Variants in RBAK observed in about 807,000 individuals in gnomAD.
RBAK encodes RB-associated KRAB zinc finger protein.
Under a neutral mutation model 65.8 loss-of-function variants are expected in RBAK, and 39 were observed. The observed-to-expected ratio is 0.59, with a 90% confidence interval of 0.46 to 0.77. RBAK has a LOEUF of 0.77. RBAK is among the 30% of genes least tolerant of loss of function. The probability of loss-of-function intolerance (pLI) is 0.00; values close to 1 mark genes in which losing one functional copy is unlikely to be tolerated. For missense variants in RBAK, 884 were observed against 855.1 expected (o/e 1.03, Z -0.42); for synonymous variants, 343 against 289.7 (o/e 1.18, Z -1.87).
intron 2 of RBAK, among the ~76,000 whole-genome samples, chr7:5,054,696 G>A (rs1460738742): frequency 6.6e-6 from 1 of 152,182 alleles, no homozygotes; most frequent in East Asian, 1.9e-4. Flanking sequence ...AGTTTCCTGA[G>A]TGCTGGGATT....
Position 5,048,322 on chromosome 7 carries a change from G to A in RBAK, c.15+231G>A, listed in dbSNP as rs1464471483. Among the ~76,000 whole-genome samples the A allele has an allele frequency of 1.3e-5, 2 of 152,018 alleles. No individual in the cohort carries two copies. Among genetic ancestry groups the A allele is most frequent in the Non-Finnish European group, 2.9e-5 (2 of 68,012 alleles). On this transcript the variant is annotated intron_variant, in intron 2 of 4. Transcript: ENST00000396912. This position sits in a 1 kb window ranked among gnomAD's most constrained non-coding sequence, Gnocchi z 4.4. ...CGAGTAGCTGGGATTACAGGCGTGCGCCACCATGCCCAACTAATTTTTTGT... is the reference window on the plus strand; with the variant it reads ...CGAGTAGCTGGGATTACAGGCGTGCACCACCATGCCCAACTAATTTTTTGT...
chr7:5,053,323 A>T (rs1308496864), intron 2 of RBAK, among the ~76,000 whole-genome samples: 1 of 152,000 alleles, frequency 6.6e-6, no homozygotes, highest in Admixed American at 6.6e-5. Flanking sequence ...TCCTGCTTAC[A>T]TTTTTTTCTA....
intron 1 of RBAK, among the ~76,000 whole-genome samples, chr7:5,046,713 C>T (rs868153309): frequency 6.6e-6 from 1 of 152,200 alleles, no homozygotes; most frequent in Admixed American, 6.5e-5. Context: ...CCGTCAGCGC[C>T]TCTGTTCTCT....
At chr7:5,050,050 T>C (rs1296681949) in intron 2 of RBAK, among the ~76,000 whole-genome samples, 7 of 152,190 alleles carry the variant, frequency 4.6e-5, no homozygotes, top group African/African-American at 1.7e-4. Flanking sequence ...TTGCTCAGAC[T>C]GGTCTCAAAC....
intron 3 of RBAK, 25 bp from the exon 4 acceptor site, chr7:5,057,659 G>T: frequency 1.9e-6 from 3 of 1,613,492 alleles, no homozygotes; most frequent in Non-Finnish European, 2.5e-6. Context: ...GCTTCCCCAA[G>T]TCCTCCTTCT....
rs1344096326 is a variant in RBAK, at chr7:5,057,695, A to C, written c.154A>C (p.Thr52Pro). The stretch of plus-strand genomic sequence containing the variant: ...TTTCCCATTAACAGGATATGATACC[A>C]CCAAGCCAAACGTCATCATTAAGTT... ...SHLVSVGYDT[T>P]KPNVIIKLEQ... The change falls in exon 4 of 5, where the codon ACC becomes CCC. Residue 52 changes from threonine to proline, a missense_variant. By Grantham distance (38) the Thr-to-Pro change is conservative. Coordinates refer to ENST00000396912, the MANE Select transcript of RBAK (RefSeq NM_021163.4). 6.2e-7 allele frequency: 1 copy of C among 1,613,912 alleles called. No individual in the cohort carries two copies. The highest frequency in any genetic ancestry group is 1.1e-5 in the South Asian group (1 of 91,066).
Position 5,064,189 on chromosome 7 carries a change from A to T in RBAK, c.733A>T (p.Met245Leu). The T allele has an allele frequency of 6.2e-7, 1 of 1,613,970 alleles. No homozygotes were observed. Residue 245 changes from methionine to leucine, a missense_variant, in exon 5 of 5, where the codon ATG (methionine) becomes TTG (leucine). Transcript: ENST00000396912. This position sits in a 1 kb window ranked among gnomAD's most constrained non-coding sequence, Gnocchi z 6.3. ...WNDSGPDFIQ[M>L]SNFNAYQRSQ... ...TGATTCTGGACCAGACTTCATACAG[A>T]TGTCAAATTTTAATGCATATCAGAG...
chr7:5,063,971 A>G lies in RBAK; in HGVS notation c.515A>G (p.Tyr172Cys). The G allele has an allele frequency of 6.2e-7, 1 of 1,613,870 alleles. No homozygotes were observed. ...PDECNECGKT[Y>C]HGEKMCEFNQ... is the part of the protein sequence containing the mutation. ...GAGTGTAATGAATGTGGGAAAACAT[A>G]TCATGGAGAGAAAATGTGTGAATTT... Residue 172 changes from tyrosine to cysteine, a missense_variant, in exon 5 of 5, where the codon TAT becomes TGT. By Grantham distance (194) the Tyr-to-Cys change is radical (BLOSUM62 -2). Coordinates refer to ENST00000396912, the MANE Select transcript of RBAK (RefSeq NM_021163.4).
chr7:5,047,714 G>A (rs959911605), intron 1 of RBAK, among the ~76,000 whole-genome samples: 13 of 136,998 alleles, frequency 9.5e-5, no homozygotes, highest in African/African-American at 3.3e-4. Flanking sequence ...AAGGATTCTT[G>A]TGCCTCAGCC....
At chr7:5,062,817 A>G (rs1779109917) in intron 4 of RBAK, among the ~76,000 whole-genome samples, 1 of 152,216 alleles carries the variant, frequency 6.6e-6, no homozygotes, top group African/African-American at 2.4e-5. Context: ...GAATTCAGCA[A>G]TATATCTCCC....
In RBAK at chr7:5,067,468, A is replaced by G. The variant is rs1424164132; in HGVS notation, c.*1867A>G. On this transcript the variant is annotated 3_prime_UTR_variant, in exon 5 of 5. Transcript: ENST00000396912. The stretch of plus-strand genomic sequence containing the variant: ...TTTGAAGAACTGTATCCAGAAAATA[A>G]AATTACAAAGGAGGAGAGGGATAGG... 1 of 152,194 alleles carries G rather than the reference A, an allele frequency of 6.6e-6. No individual in the cohort carries two copies. The highest frequency in any genetic ancestry group is 1.9e-4 in the East Asian group (1 of 5,204). The allele number at this position is 152,194 out of a possible 1,614,324, so 9.4% of individuals were successfully genotyped here.
chr7:5,062,555 T>C (rs1439693462), intron 4 of RBAK, among the ~76,000 whole-genome samples: 1 of 152,160 alleles, frequency 6.6e-6, no homozygotes. Flanking sequence ...AAATTGCTAA[T>C]GAAGTTTCAG....
At chr7:5,061,762 G>A (rs112714667) in intron 4 of RBAK, among the ~76,000 whole-genome samples, 17,966 of 151,860 alleles carry the variant, frequency 0.12, 1,248 homozygotes, top group African/African-American at 0.19. Context: ...GCTGGGTGCG[G>A]TGGCGTGTGC....
chr7:5,062,368 C>T (rs1779099281), intron 4 of RBAK, among the ~76,000 whole-genome samples: 1 of 152,134 alleles, frequency 6.6e-6, no homozygotes, highest in South Asian at 2.1e-4. Context: ...TCGGTAGGTT[C>T]TGTGATGCTC....
chr7:5,057,082 T>C (rs1163025110), intron 2 of RBAK: 4 of 205,288 alleles, frequency 1.9e-5, no homozygotes, highest in Non-Finnish European at 2.6e-5. Context: ...ATTTTTTATA[T>C]ATATTATATA....
chr7:5,047,603 T>C (rs1258133866), intron 1 of RBAK, among the ~76,000 whole-genome samples: 24 of 113,978 alleles, frequency 2.1e-4, no homozygotes, highest in Non-Finnish European at 3.1e-4. Context: ...TTCACTCTCT[T>C]TTTTTTTTTT....
At chr7:5,047,423 CATG>C (rs1434564556) in intron 1 of RBAK, among the ~76,000 whole-genome samples, 3 of 151,946 alleles carry the variant, frequency 2.0e-5, no homozygotes, top group Non-Finnish European at 4.4e-5. Context: ...CCACAAAAAA[CATG>C]AGCTGTATAA....
At chr7:5,063,234 G>A (rs1779121344) in intron 4 of RBAK, among the ~76,000 whole-genome samples, 1 of 152,148 alleles carries the variant, frequency 6.6e-6, no homozygotes, top group South Asian at 2.1e-4. Flanking sequence ...ATGTTCTTCT[G>A]CCATGGCTTC....
Position 5,067,698 on chromosome 7 carries a change from A to G in RBAK, c.*2097A>G, listed in dbSNP as rs1779253904. 1 of 152,220 alleles carries G rather than the reference A, an allele frequency of 6.6e-6. No homozygotes were observed. The highest frequency in any genetic ancestry group is 2.4e-5 in the African/African-American group (1 of 41,456). 9.4% of individuals were successfully genotyped at this position (152,220 alleles called of 1,614,324 possible). A position where few individuals can be genotyped will look rare whatever the true frequency, so the allele number is the denominator to read the frequency against. On this transcript the variant is annotated 3_prime_UTR_variant, in exon 5 of 5. Transcript: ENST00000396912. ...TCAAGACCTGTTATAAAGCCATAGA[A>G]ATAATGAAGGTGTTAATTTGGCACA...
Sources: allele counts gnomAD v4.1 joint callset (sites outside exome capture counted in the v4.1 genomes callset), GRCh38; gene constraint gnomAD v4.1.1; non-coding constraint Gnocchi (gnomAD v3.1); transcripts MANE v1.5; gene names NCBI Gene and HGNC (gene_info 2026-07-23, HGNC 2026-07-21).